Variants in CRISPLD2 observed in about 807,000 individuals in gnomAD.
CRISPLD2 encodes cysteine rich secretory protein LCCL domain containing 2.
A neutral mutation model predicts 71.1 loss-of-function variants in CRISPLD2; 47 were observed. That is an observed-to-expected ratio of 0.66 (90% CI 0.52 to 0.84). The LOEUF (loss-of-function observed/expected upper bound fraction) is 0.84, where lower values mean the gene tolerates loss of function less well. Ranked by LOEUF, CRISPLD2 falls within the 40% of genes least tolerant of loss-of-function variation. CRISPLD2 has a pLI of 0.00. For missense variants in CRISPLD2, 830 were observed against 651.1 expected, an observed-to-expected ratio of 1.27 and a Z score of -2.99; for synonymous variants, 317 against 250.1, an observed-to-expected ratio of 1.27 and a Z score of -2.52.
chr16:84,906,974 G>A lies in CRISPLD2; in HGVS notation c.*332G>A. 3.0e-6 allele frequency: 1 copy of A among 334,028 alleles called. No homozygotes were observed. Among genetic ancestry groups the A allele is most frequent in the Non-Finnish European group, 5.6e-6 (1 of 179,658 alleles). 20.7% of individuals were successfully genotyped at this position (334,028 alleles called of 1,614,324 possible). A position where few individuals can be genotyped will look rare whatever the true frequency, so the allele number is the denominator to read the frequency against. On this transcript the variant is annotated 3_prime_UTR_variant, in exon 15 of 15. Coordinates refer to ENST00000262424, the MANE Select transcript of CRISPLD2 (RefSeq NM_031476.4). ...TTCCTTGCTATGTGTTCTTCTGTTGGTGGAGGAAGTTGATTTCAACCTCCC... is the reference window on the plus strand; with the variant it reads ...TTCCTTGCTATGTGTTCTTCTGTTGATGGAGGAAGTTGATTTCAACCTCCC...
intron 2 of CRISPLD2, 89 bp downstream of exon 2, chr16:84,838,824 C>A: frequency 1.3e-6 from 2 of 1,497,764 alleles, no homozygotes; most frequent in Non-Finnish European, 1.8e-6. Flanking sequence ...CTCTGTTCCC[C>A]AGCCAGTGCG....
intron 1 of CRISPLD2, among the ~76,000 whole-genome samples, chr16:84,821,801 A>G (rs1336506735): frequency 1.3e-5 from 2 of 152,194 alleles, no homozygotes; most frequent in African/African-American, 2.4e-5. Context: ...AGCAGCTGAC[A>G]TTTACATGAT....
chr16:84,859,202 A>T (rs1039292042), intron 6 of CRISPLD2, among the ~76,000 whole-genome samples: 2 of 152,270 alleles, frequency 1.3e-5, no homozygotes, highest in East Asian at 3.9e-4. Context: ...AAGTATGTCT[A>T]TGCCAATTAT....
chr16:84,849,588 G>GGTT, intron 4 of CRISPLD2, 71 bp downstream of exon 4: 3 of 1,280,650 alleles, frequency 2.3e-6, no homozygotes, highest in Non-Finnish European at 1.1e-6. Flanking sequence ...GCCCCTGGGG[G>GGTT]ATTGTCAAAT....
intron 1 of CRISPLD2, 63 bp downstream of exon 1, chr16:84,820,196 A>T (rs1201050983): frequency 2.0e-5 from 3 of 152,060 alleles, no homozygotes; most frequent in Non-Finnish European, 4.4e-5. Context: ...AGCTGGAATA[A>T]CTAGGACAGA....
intron 13 of CRISPLD2, among the ~76,000 whole-genome samples, chr16:84,882,145 C>T (rs192832591): frequency 1.3e-5 from 2 of 152,134 alleles, no homozygotes; most frequent in East Asian, 3.9e-4. Context: ...AAATAAAGAG[C>T]TGGGCAAAGC....
chr16:84,865,125 T>A (rs1330454769), intron 6 of CRISPLD2, among the ~76,000 whole-genome samples: 1 of 152,168 alleles, frequency 6.6e-6, no homozygotes, highest in East Asian at 1.9e-4. Flanking sequence ...AGCTAAGACT[T>A]AGGGATTGAG....
At chr16:84,897,861 C>T (rs1235726622) in intron 14 of CRISPLD2, among the ~76,000 whole-genome samples, 1 of 152,244 alleles carries the variant, frequency 6.6e-6, no homozygotes, top group Admixed American at 6.5e-5. Context: ...AGGTGATCCG[C>T]CTGCCTTGGC....
chr16:84,844,475 T>G (rs370630709), intron 2 of CRISPLD2, among the ~76,000 whole-genome samples: 13 of 151,406 alleles, frequency 8.6e-5, no homozygotes, highest in African/African-American at 3.1e-4. Context: ...TCTTTTCTTT[T>G]CTTTTCTTTC....
intron 14 of CRISPLD2, among the ~76,000 whole-genome samples, chr16:84,894,498 A>AGGGACTG (rs2071689040): frequency 6.6e-6 from 1 of 152,180 alleles, no homozygotes; most frequent in Non-Finnish European, 1.5e-5. Context: ...CCCCTGCGCT[A>AGGGACTG]GGGACTGGGG....
intron 10 of CRISPLD2, 124 bp from the exon 11 acceptor site, chr16:84,873,796 C>A: frequency 1.1e-6 from 1 of 896,412 alleles, no homozygotes; most frequent in Non-Finnish European, 1.7e-6. Flanking sequence ...TGATAGGAAA[C>A]AAGTAGAAAA....
At chr16:84,847,362 A>C (rs1279946127) in intron 3 of CRISPLD2, among the ~76,000 whole-genome samples, 1 of 152,228 alleles carries the variant, frequency 6.6e-6, no homozygotes, top group Non-Finnish European at 1.5e-5. Context: ...TATAAAAACT[A>C]TCTTACAGGC....
At chr16:84,852,511 C>T (rs1002747082) in intron 5 of CRISPLD2, among the ~76,000 whole-genome samples, 2 of 152,222 alleles carry the variant, frequency 1.3e-5, no homozygotes, top group Non-Finnish European at 2.9e-5. Flanking sequence ...CGTGGTGTTG[C>T]GTGATCACCG....
At chr16:84,838,877 C>T (rs772786442) in intron 2 of CRISPLD2, 142 bp downstream of exon 2, 46 of 1,067,296 alleles carry the variant, frequency 4.3e-5, no homozygotes, top group Non-Finnish European at 5.7e-5. Flanking sequence ...GGGAGGATCC[C>T]GGCTCTGTTC....
At chr16:84,877,066 C>G (rs1011652484) in intron 11 of CRISPLD2, among the ~76,000 whole-genome samples, 6 of 152,198 alleles carry the variant, frequency 3.9e-5, no homozygotes, top group Admixed American at 1.3e-4. Flanking sequence ...ACTCTGAGCT[C>G]TCTGAGCTTC....
In CRISPLD2 at chr16:84,906,694, G is replaced by A. The variant is rs753635886; in HGVS notation, c.*52G>A. The A allele has an allele frequency of 6.2e-6, 10 of 1,601,384 alleles. No individual in the cohort carries two copies. The East Asian group carries it at 1.6e-4, about 25-fold the overall frequency. On this transcript the variant is annotated 3_prime_UTR_variant, in exon 15 of 15. Coordinates refer to ENST00000262424, the MANE Select transcript of CRISPLD2 (RefSeq NM_031476.4). ...GTCTTCAGGAGGGCTTCGGGGTTTT[G>A]CTTTTATTTTTATTTTGTCATTGCG...
At chr16:84,857,377 C>A (rs1282414150) in intron 6 of CRISPLD2, among the ~76,000 whole-genome samples, 1 of 152,228 alleles carries the variant, frequency 6.6e-6, no homozygotes, top group Non-Finnish European at 1.5e-5. Context: ...ATACAAACAT[C>A]TTCACAGTTC....
chr16:84,873,968 G>C lies in CRISPLD2; in HGVS notation c.1156+5G>C. ...TCATGGTGTCAAAAGTGAAAGGTAA[G>C]CTAGCCAGTCTCTTTTGCGACCATA... On this transcript the variant is annotated splice_donor_5th_base_variant and intron_variant, in intron 11 of 14. Coordinates refer to ENST00000262424, the MANE Select transcript of CRISPLD2 (RefSeq NM_031476.4). The C allele has an allele frequency of 1.9e-6, 3 of 1,597,180 alleles. No homozygotes were observed. Among genetic ancestry groups the C allele is most frequent in the Non-Finnish European group, 2.6e-6 (3 of 1,174,428 alleles).
chr16:84,869,056 G>C, intron 8 of CRISPLD2, 145 bp downstream of exon 8: 2 of 686,494 alleles, frequency 2.9e-6, no homozygotes, highest in Non-Finnish European at 2.4e-6. Flanking sequence ...CAGGGGTTAG[G>C]GCTGGGCAGT....
Sources: gnomAD v4.1 joint callset for allele counts (sites outside exome capture counted in the v4.1 genomes callset) on GRCh38, gnomAD v4.1.1 for gene constraint, MANE v1.5 for transcripts, NCBI Gene and HGNC (gene_info 2026-07-23, HGNC 2026-07-21) for gene names.